IQCK: variants seen among roughly 807,000 people sequenced by gnomAD.
The protein encoded by IQCK is IQ motif containing K.
Under a neutral mutation model 28.1 loss-of-function variants are expected in IQCK, and 29 were observed. The observed-to-expected ratio is 1.03, with a 90% CI of 0.77 to 1.41. The LOEUF (loss-of-function observed/expected upper bound fraction) is 1.41. Ranked by LOEUF, IQCK falls within the 40% of genes most tolerant of loss-of-function variation. The pLI, the probability that IQCK is intolerant of heterozygous loss-of-function variation, is 0.00. For missense variants in IQCK, 359 were observed against 314.7 expected (o/e 1.14, Z -1.07); for synonymous variants, 113 against 115.1 (o/e 0.98, Z 0.12).
Position 19,834,596 on chromosome 16 carries a change from G to A in IQCK, c.802+7459G>A, listed in dbSNP as rs577749627. 1.2e-4 allele frequency among the ~76,000 whole-genome samples: 18 copies of A among 152,354 alleles called. No individual in the cohort carries two copies. In the South Asian group the frequency reaches 3.7e-3, roughly 32 times the overall value. Reference sequence around the variant, plus strand: ...GACCACAGACCACTAGTATAGGGGAGGCTTGGCAGTAGAGGAGGCTGAGAG... The same window carrying A: ...GACCACAGACCACTAGTATAGGGGAAGCTTGGCAGTAGAGGAGGCTGAGAG... On this transcript the variant is annotated intron_variant, in intron 9 of 9. Coordinates refer to the IQCK transcript ENST00000320394.
At chr16:19,774,358 G>A (rs1469689362) in intron 6 of IQCK, among the ~76,000 whole-genome samples, 2 of 149,048 alleles carry the variant, frequency 1.3e-5, no homozygotes, top group Admixed American at 1.3e-4. Context: ...ATACCAAGCA[G>A]GTATGTTCCA....
intron 4 of IQCK, among the ~76,000 whole-genome samples, chr16:19,755,078 G>A (rs148887514): frequency 1.3e-5 from 2 of 152,284 alleles, no homozygotes; most frequent in East Asian, 3.9e-4. Flanking sequence ...TTGGCATCTG[G>A]TTATAGGCCA....
At chr16:19,775,866 C>CTTTTTTTTTTTTTTTTT (rs570530152) in intron 6 of IQCK, among the ~76,000 whole-genome samples, 1 of 37,700 alleles carries the variant, frequency 2.7e-5, no homozygotes. Flanking sequence ...TGGGCACAGG[C>CTTTTTTTTTTTTTTTTT]TTTTTTTTTT....
chr16:19,734,356 G>C (rs1977937064), intron 3 of IQCK, among the ~76,000 whole-genome samples: 1 of 151,568 alleles, frequency 6.6e-6, no homozygotes, highest in South Asian at 2.1e-4. Flanking sequence ...AATTAGCTGG[G>C]CATGGTGGCA....
chr16:19,753,219 G>A (rs1269840268), intron 4 of IQCK, among the ~76,000 whole-genome samples: 1 of 151,522 alleles, frequency 6.6e-6, no homozygotes, highest in South Asian at 2.1e-4. Flanking sequence ...AGACCAGCCT[G>A]GGCAACATAG....
chr16:19,768,112 A>G (rs1054850640), intron 6 of IQCK, among the ~76,000 whole-genome samples: 13 of 151,766 alleles, frequency 8.6e-5, no homozygotes, highest in African/African-American at 2.9e-4. Flanking sequence ...TGCATCCAGG[A>G]ACTAATAAAT....
chr16:19,749,326 A>G (rs1463149171), intron 4 of IQCK, among the ~76,000 whole-genome samples: 1 of 152,236 alleles, frequency 6.6e-6, no homozygotes, highest in East Asian at 1.9e-4. Flanking sequence ...TACACAGGTC[A>G]GCTACCTGTT....
intron 9 of IQCK, among the ~76,000 whole-genome samples, chr16:19,839,872 G>C (rs1255053808): frequency 6.6e-6 from 1 of 152,082 alleles, no homozygotes; most frequent in Non-Finnish European, 1.5e-5. Context: ...GTGCATGCCT[G>C]TAGACCCAGC....
intron 9 of IQCK, among the ~76,000 whole-genome samples, chr16:19,855,705 C>T (rs2056551053): frequency 6.6e-6 from 1 of 152,158 alleles, no homozygotes; most frequent in Admixed American, 6.5e-5. Context: ...GAAACCTCAG[C>T]CCTACATAGT....
chr16:19,732,453 G>A (rs1977871245), intron 2 of IQCK, among the ~76,000 whole-genome samples: 2 of 152,118 alleles, frequency 1.3e-5, no homozygotes, highest in Admixed American at 1.3e-4. Context: ...TTGGGATTGG[G>A]CGGTGGCGGC....
At chr16:19,842,761 C>T (rs756062284) in intron 9 of IQCK, among the ~76,000 whole-genome samples, 6 of 152,124 alleles carry the variant, frequency 3.9e-5, no homozygotes, top group African/African-American at 1.2e-4. Flanking sequence ...TTTCTCTTCA[C>T]GCTTGGTTTT....
At position 19,724,634 on chromosome 16, in the gene IQCK, T is replaced by C. The variant is rs181976465; in HGVS notation, c.182-5796T>C. On this transcript the variant is annotated intron_variant, in intron 1 of 7. Transcript: ENST00000564186. ...AGCTCCGCCTCCTGGATTCACGCCA[T>C]TCTCCTGCCTCAGCGTCCTGAGTAG... Among the ~76,000 whole-genome samples the C allele has an allele frequency of 6.4e-4, 97 of 152,212 alleles. No individual in the cohort carries two copies. In the East Asian group the frequency reaches 0.015, roughly 24 times the overall value.
At position 19,734,662 on chromosome 16, in the gene IQCK, T is replaced by TC. The variant is rs561929196; in HGVS notation, c.377-690dup. Among the ~76,000 whole-genome samples the TC allele has an allele frequency of 5.4e-5, 8 of 148,776 alleles. No homozygotes were observed. The South Asian group carries it at 1.7e-3, about 32-fold the overall frequency. On this transcript the variant is annotated intron_variant, in intron 3 of 7. Coordinates refer to ENST00000564186, the Ensembl canonical transcript of IQCK. ...TGGGTGTGGTGGCAGGTACTTGCAG[T>TC]CTCAGCTATTTGGGAGGCTAAGGTG...
chr16:19,721,434 A>G (rs910759841), intron 1 of IQCK, among the ~76,000 whole-genome samples: 1 of 152,206 alleles, frequency 6.6e-6, no homozygotes, highest in African/African-American at 2.4e-5. Context: ...CTTTCCAGTG[A>G]CAACTGAGTT....
At chr16:19,812,849 G>A (rs553853727) in intron 7 of IQCK, among the ~76,000 whole-genome samples, 2 of 152,250 alleles carry the variant, frequency 1.3e-5, no homozygotes, top group East Asian at 1.9e-4. Flanking sequence ...AGGTAGGGGG[G>A]GAAATTCAGA....
chr16:19,839,047 G>A (rs2056333262), intron 9 of IQCK, among the ~76,000 whole-genome samples: 1 of 146,960 alleles, frequency 6.8e-6, no homozygotes, highest in African/African-American at 2.5e-5. Context: ...AAAAAAGGAA[G>A]CTATTATTGC....
downstream of IQCK, among the ~76,000 whole-genome samples, chr16:19,827,995 C>T (rs145915432): frequency 3.4e-3 from 515 of 152,116 alleles, 5 homozygotes; most frequent in African/African-American, 0.01. Flanking sequence ...TCACTGCAAC[C>T]TCCGCCTTCT....
At chr16:19,745,809 T>A (rs1248466834) in intron 4 of IQCK, among the ~76,000 whole-genome samples, 2 of 150,624 alleles carry the variant, frequency 1.3e-5, no homozygotes, top group Admixed American at 1.3e-4. Flanking sequence ...GGTCCAATTC[T>A]ATCTCACTCA....
chr16:19,754,150 T>TA (rs1817105443), intron 4 of IQCK, among the ~76,000 whole-genome samples: 1 of 151,382 alleles, frequency 6.6e-6, no homozygotes, highest in South Asian at 2.1e-4. Context: ...TACTGTCACT[T>TA]ACTACCCAGG....
Sources: allele counts gnomAD v4.1 joint callset (sites outside exome capture counted in the v4.1 genomes callset), GRCh38; gene constraint gnomAD v4.1.1; transcripts MANE v1.5; gene names NCBI Gene and HGNC (gene_info 2026-07-23, HGNC 2026-07-21).